The following PDS5A variants were observed in gnomAD, a reference collection of about 807,000 sequenced individuals.
PDS5A encodes sister chromatid cohesion protein PDS5 homolog A.
In PDS5A, 42 loss-of-function variants were observed where a neutral mutation model predicts 167.1. The observed-to-expected ratio is 0.25, with a 90% CI of 0.20 to 0.33. The LOEUF (loss-of-function observed/expected upper bound fraction) is 0.33. PDS5A is among the 10% of genes least tolerant of loss of function. The pLI, the probability that PDS5A is intolerant of heterozygous loss-of-function variation, is 1.00. For synonymous variants in PDS5A, 553 were observed against 554.6 expected (o/e 1.00, Z 0.04); for missense variants, 1,033 against 1,605.9 (o/e 0.64, Z 6.10).
At chr4:39,959,962 C>A (rs141504555) in intron 2 of PDS5A, among the ~76,000 whole-genome samples, 2 of 152,016 alleles carry the variant, frequency 1.3e-5, no homozygotes, top group Non-Finnish European at 2.9e-5. Context: ...CATGGTGGTA[C>A]GTAACCAGCA....
At chr4:39,970,275 C>T (rs983727747) in intron 2 of PDS5A, among the ~76,000 whole-genome samples, 31 of 151,950 alleles carry the variant, frequency 2.0e-4, no homozygotes, top group African/African-American at 7.5e-4. Context: ...GGAAACCAAC[C>T]GAAGACCACT....
intron 26 of PDS5A, among the ~76,000 whole-genome samples, chr4:39,859,087 T>C (rs1308743611): frequency 6.6e-6 from 1 of 152,016 alleles, no homozygotes; most frequent in African/African-American, 2.4e-5. Context: ...TACAACTCAA[T>C]AACAAAAAGA....
chr4:39,840,857 T>C (rs898797933), intron 31 of PDS5A, among the ~76,000 whole-genome samples: 1 of 151,594 alleles, frequency 6.6e-6, no homozygotes, highest in Non-Finnish European at 1.5e-5. Context: ...AGGGTTCAAG[T>C]GATTCTCCTG....
At chr4:39,927,874 T>A (rs992366760) in intron 3 of PDS5A, 87 bp downstream of exon 3, 2 of 911,568 alleles carry the variant, frequency 2.2e-6, no homozygotes, top group Non-Finnish European at 3.3e-6. Context: ...AAACCTATGT[T>A]CATAAAGGTA....
rs375091298 is a variant in PDS5A at position 39,921,583 on chromosome 4, T to TAA, written c.654+1037_654+1038dup. ...AAACCCTGTTTCTACAAAGAAAACT[T>TAA]AAAAAAAAAAAAAAAAAAAAAAGCC... On this transcript the variant is annotated intron_variant, in intron 6 of 32. Coordinates refer to ENST00000303538, the MANE Select transcript of PDS5A (RefSeq NM_001100399.2). Among the ~76,000 whole-genome samples the TAA allele has an allele frequency of 1.8e-3, 155 of 86,832 alleles. 2 individuals are homozygous for TAA. The South Asian group carries it at 0.021, about 12-fold the overall frequency. The allele number at this position is 86,832 out of a possible 152,430, so 57.0% of individuals were successfully genotyped here.
intron 2 of PDS5A, chr4:39,973,338 T>C (rs914285282): frequency 5.6e-6 from 9 of 1,606,920 alleles, no homozygotes; most frequent in African/African-American, 5.3e-5. Context: ...CAGCAGGCTG[T>C]TGCATTGTAA....
At chr4:39,930,929 C>T (rs1578767083) in intron 2 of PDS5A, among the ~76,000 whole-genome samples, 2 of 152,074 alleles carry the variant, frequency 1.3e-5, no homozygotes, top group South Asian at 2.1e-4. Flanking sequence ...GTGTATTTTA[C>T]AAAAGAAAGA....
At chr4:39,847,448 T>G (rs373019729) in intron 28 of PDS5A, 1 of 151,918 alleles carries the variant, frequency 6.6e-6, no homozygotes, top group East Asian at 1.9e-4. Flanking sequence ...ACAAAAAAGT[T>G]AAAAAATTAG....
rs1258661213 is a variant in PDS5A, at chr4:39,930,247, G to GTTTTT, written c.139-2088_139-2084dup. 8.4e-3 allele frequency among the ~76,000 whole-genome samples: 521 copies of GTTTTT among 61,772 alleles called. 27 individuals carry two copies. Among genetic ancestry groups the GTTTTT allele is most frequent in the South Asian group, 0.017 (26 of 1,500 alleles). 40.5% of individuals were successfully genotyped at this position (61,772 alleles called of 152,430 possible). On this transcript the variant is annotated intron_variant, in intron 2 of 32. Transcript: ENST00000303538. ...AAAAAAAAAAAAAAAAAAAAAAAAA[G>GTTTTT]TTTTTTTGTTTTTTGTTTTTTTTTT...
chr4:39,869,295 A>T (rs1719816994), intron 22 of PDS5A, 99 bp downstream of exon 22: 2 of 787,272 alleles, frequency 2.5e-6, no homozygotes, highest in East Asian at 4.9e-5. Context: ...ACACAGCAAG[A>T]TCCCATCTCT....
chr4:39,880,287 C>T (rs1416833633), intron 17 of PDS5A, among the ~76,000 whole-genome samples: 1 of 152,058 alleles, frequency 6.6e-6, no homozygotes, highest in Non-Finnish European at 1.5e-5. Context: ...TATAAACTTA[C>T]AGCAAAGAAG....
At chr4:39,970,689 G>C (rs1730430976) in intron 2 of PDS5A, among the ~76,000 whole-genome samples, 1 of 150,990 alleles carries the variant, frequency 6.6e-6, no homozygotes, top group Non-Finnish European at 1.5e-5. Flanking sequence ...TGAATACTTT[G>C]GCCTAACTTT....
At chr4:39,887,448 C>T (rs1453240912) in intron 17 of PDS5A, among the ~76,000 whole-genome samples, 1 of 151,914 alleles carries the variant, frequency 6.6e-6, no homozygotes, top group Non-Finnish European at 1.5e-5. Context: ...TCTCTGCATC[C>T]CTGGGATGAA....
intron 2 of PDS5A, chr4:39,973,912 T>A (rs1371107439): frequency 4.7e-6 from 3 of 632,544 alleles, no homozygotes; most frequent in Admixed American, 4.7e-5. Flanking sequence ...GATCACGAGG[T>A]CAGGAGATCG....
In PDS5A at chr4:39,823,453, G is replaced by T. The variant is rs941319236; in HGVS notation, c.*2032C>A. 1.3e-5 allele frequency: 2 copies of T among 152,510 alleles called. No homozygotes were observed. Among genetic ancestry groups the T allele is most frequent in the Admixed American group, 1.3e-4 (2 of 15,258 alleles). The allele number at this position is 152,510 out of a possible 1,614,324, so 9.4% of individuals were successfully genotyped here. A position where few individuals can be genotyped will look rare whatever the true frequency, so the allele number is the denominator to read the frequency against. Reference sequence around the variant, plus strand: ...TTTATTTAATATGATGTAACACTTGGTAATCTAGTAAACTGTGATGCCGGG... The same window carrying T: ...TTTATTTAATATGATGTAACACTTGTTAATCTAGTAAACTGTGATGCCGGG... On this transcript the variant is annotated 3_prime_UTR_variant, in exon 33 of 33. Coordinates refer to ENST00000303538, the MANE Select transcript of PDS5A (RefSeq NM_001100399.2).
chr4:39,863,335 C>T lies in PDS5A; in HGVS notation c.2766+1G>A. On this transcript the variant is annotated splice_donor_variant, in intron 24 of 32. Transcript: ENST00000303538. LOFTEE classifies it high-confidence loss of function. The stretch of plus-strand genomic sequence containing the variant: ...TTGACAAAAATAAGATTGTTACTTA[C>T]ATTAATAACAAGTGCACAGAGCTGA... 6.3e-7 allele frequency: 1 copy of T among 1,579,642 alleles called. No individual in the cohort carries two copies. The highest frequency in any genetic ancestry group is 8.6e-7 in the Non-Finnish European group (1 of 1,165,624).
chr4:39,890,229 G>T lies in PDS5A; in HGVS notation c.1886+20C>A. The T allele has an allele frequency of 2.4e-6, 3 of 1,261,350 alleles. No individual in the cohort carries two copies. Among genetic ancestry groups the T allele is most frequent in the Non-Finnish European group, 3.4e-6 (3 of 890,194 alleles). 78.1% of individuals were successfully genotyped at this position (1,261,350 alleles called of 1,614,324 possible). ...TGCAGATTATTATTTATTTTTGAGC[G>T]AATATACTTCTTGGCTTACCTTATG... On this transcript the variant is annotated intron_variant, in intron 17 of 32. Transcript: ENST00000303538.
chr4:39,824,103 A>C lies in PDS5A; in HGVS notation c.*1382T>G, dbSNP rs545896184. On this transcript the variant is annotated 3_prime_UTR_variant, in exon 33 of 33. Transcript: ENST00000303538. ...CAGTGGACAGTGGGGGCAGGATAGA[A>C]CTCTGGACATGAGAAAAGACAAATT... The C allele has an allele frequency of 6.6e-6, 1 of 152,254 alleles. No individual in the cohort carries two copies. The highest frequency in any genetic ancestry group is 1.9e-4 in the East Asian group (1 of 5,188). 9.4% of individuals were successfully genotyped at this position (152,254 alleles called of 1,614,324 possible). A position where few individuals can be genotyped will look rare whatever the true frequency, so the allele number is the denominator to read the frequency against.
intron 2 of PDS5A, among the ~76,000 whole-genome samples, chr4:39,931,881 G>C (rs2109747306): frequency 6.7e-6 from 1 of 149,622 alleles, no homozygotes; most frequent in South Asian, 2.1e-4. Context: ...CTCTGGATTT[G>C]GTCAGGTGAC....
Sources: gnomAD v4.1 joint callset for allele counts (sites outside exome capture counted in the v4.1 genomes callset) on GRCh38, gnomAD v4.1.1 for gene constraint, MANE v1.5 for transcripts, NCBI Gene and HGNC (gene_info 2026-07-23, HGNC 2026-07-21) for gene names.